The following NSD1 variants were observed in gnomAD, a reference collection of about 807,000 sequenced individuals.
NSD1 encodes the protein histone-lysine N-methyltransferase, H3 lysine-36 specific.
Under a neutral mutation model 242.7 loss-of-function variants are expected in NSD1, and 26 were observed. The observed-to-expected ratio is 0.11, with a 90% CI of 0.08 to 0.15. The LOEUF is 0.15. Among genes scored for constraint, NSD1 ranks in the 10% least tolerant of loss-of-function variants. The probability of loss-of-function intolerance (pLI) is 1.00; values close to 1 mark genes in which losing one functional copy is unlikely to be tolerated. For missense variants in NSD1, 2,495 were observed against 3,272.8 expected (o/e 0.76, Z 5.80); for synonymous variants, 1,106 against 1,178.1 (o/e 0.94, Z 1.25).
chr5:177,160,376 C>A (rs1758646455), intron 2 of NSD1, among the ~76,000 whole-genome samples: 1 of 151,938 alleles, frequency 6.6e-6, no homozygotes, highest in Non-Finnish European at 1.5e-5. Context: ...TCTAGGCTCG[C>A]TGCAGCCTCC....
chr5:177,152,103 G>A (rs952766692), intron 2 of NSD1, among the ~76,000 whole-genome samples: 1 of 151,924 alleles, frequency 6.6e-6, no homozygotes, highest in Admixed American at 6.6e-5. Context: ...CTCATGATCC[G>A]CCTGCCTTGG....
chr5:177,248,113 A>C (rs1581433306), intron 10 of NSD1, 68 bp from the exon 11 acceptor site: 2 of 1,598,910 alleles, frequency 1.3e-6, no homozygotes, highest in Admixed American at 1.7e-5. Flanking sequence ...ATAGCAGCCC[A>C]GAGGGAGGGG....
Position 177,299,751 on chromosome 5 carries a change from C to T in NSD1, c.*4292C>T. On this transcript the variant is annotated 3_prime_UTR_variant, in exon 23 of 23. Coordinates refer to ENST00000439151, the MANE Select transcript of NSD1 (RefSeq NM_022455.5). ...ATTGTGGGGCTTCAGGTGTAAGGTC[C>T]TGGAAGTTCAGCAAAGTTTCGTGGA... is the stretch of plus-strand genomic sequence containing the variant. 4.3e-6 allele frequency: 1 copy of T among 233,256 alleles called. No individual in the cohort carries two copies. 14.4% of individuals were successfully genotyped at this position (233,256 alleles called of 1,614,324 possible).
At chr5:177,205,269 C>G (rs1762788875) in intron 4 of NSD1, among the ~76,000 whole-genome samples, 1 of 152,150 alleles carries the variant, frequency 6.6e-6, no homozygotes, top group Non-Finnish European at 1.5e-5. Context: ...CTCCTGATGT[C>G]AGGTGATCAA....
chr5:177,186,077 A>G (rs1761195171), intron 2 of NSD1, among the ~76,000 whole-genome samples: 1 of 114,796 alleles, frequency 8.7e-6, no homozygotes, highest in Non-Finnish European at 1.7e-5. Flanking sequence ...TATGTTATAT[A>G]TAATATATTA....
intron 5 of NSD1, among the ~76,000 whole-genome samples, chr5:177,231,295 G>A (rs760085823): frequency 2.6e-5 from 4 of 151,824 alleles, no homozygotes; most frequent in Non-Finnish European, 5.9e-5. Context: ...ATGTTCCCCA[G>A]GCTTGTGTTG....
intron 2 of NSD1, among the ~76,000 whole-genome samples, chr5:177,182,787 G>A (rs1463090802): frequency 6.6e-6 from 1 of 152,230 alleles, no homozygotes; most frequent in South Asian, 2.1e-4. Flanking sequence ...ACAGGCGCCT[G>A]CCATTACGCC....
chr5:177,226,315 G>A (rs1038476722), intron 5 of NSD1, among the ~76,000 whole-genome samples: 4 of 152,104 alleles, frequency 2.6e-5, no homozygotes, highest in East Asian at 3.8e-4. Flanking sequence ...GATTACATGC[G>A]TGAGCCACCG....
In NSD1 at chr5:177,210,927, A is replaced by G. The variant is rs1372764641; in HGVS notation, c.2528A>G (p.His843Arg). Residue 843 changes from histidine to arginine, a missense_variant, in exon 5 of 23, where the codon CAT becomes CGT. His to Arg is a conservative substitution (Grantham distance 29). Transcript: ENST00000439151. ...VDGLKLLNNM[H>R]EKTRDSSDIE... The stretch of plus-strand genomic sequence containing the variant: ...GGTCTAAAACTACTGAACAATATGC[A>G]TGAGAAAACCAGGGATTCAAGTGAC... The G allele has an allele frequency of 2.5e-6, 4 of 1,614,106 alleles. No individual in the cohort carries two copies. The highest frequency in any genetic ancestry group is 3.4e-6 in the Non-Finnish European group (4 of 1,180,052).
Position 177,267,880 on chromosome 5 carries a change from T to C in NSD1, c.5303+162T>C, listed in dbSNP as rs538386911. Among the ~76,000 whole-genome samples, 11 of 152,102 alleles carry C rather than the reference T, an allele frequency of 7.2e-5. No individual in the cohort carries two copies. The East Asian group carries it at 1.4e-3, about 19-fold the overall frequency. On this transcript the variant is annotated intron_variant, in intron 15 of 22. Coordinates refer to ENST00000439151, the MANE Select transcript of NSD1 (RefSeq NM_022455.5). ...CCTTATAGGAAGAGAAACCTAACTT[T>C]ATGATTTACAATTATAGGAATAATA...
chr5:177,205,856 CTA>C (rs898089366), intron 4 of NSD1, among the ~76,000 whole-genome samples: 23 of 152,176 alleles, frequency 1.5e-4, no homozygotes, highest in Non-Finnish European at 2.5e-4. Context: ...GGGGGTCTCT[CTA>C]TGTTGTTCAT....
chr5:177,243,198 C>CT lies in NSD1; in HGVS notation c.4303-990dup, dbSNP rs370211982. Among the ~76,000 whole-genome samples the CT allele has an allele frequency of 3.3e-5, 5 of 151,844 alleles. No individual in the cohort carries two copies. The South Asian group carries it at 8.3e-4, about 25-fold the overall frequency. Reference sequence around the variant, plus strand: ...GTTATTTTTCTTTCTTTCTTTCTTTCTTTTTTTGAGACTTGCTCTGTCTCC... The same window carrying CT: ...GTTATTTTTCTTTCTTTCTTTCTTTCTTTTTTTTGAGACTTGCTCTGTCTCC... On this transcript the variant is annotated intron_variant, in intron 8 of 22. Transcript: ENST00000439151.
rs1388344123 is a variant in NSD1 at position 177,133,970 on chromosome 5, G to T, written c.-18+18G>T. 4.5e-5 allele frequency: 7 copies of T among 157,154 alleles called. No homozygotes were observed. The highest frequency in any genetic ancestry group is 8.3e-5 in the Non-Finnish European group (6 of 72,046). The allele number at this position is 157,154 out of a possible 1,614,324, so 9.7% of individuals were successfully genotyped here. On this transcript the variant is annotated intron_variant, in intron 1 of 22. Coordinates refer to ENST00000439151, the MANE Select transcript of NSD1 (RefSeq NM_022455.5). The surrounding 1 kb of genome is among the most constrained non-coding windows in gnomAD (Gnocchi z 6.2). ...GGGGCACGGTAACTAGTGCGCTGGG[G>T]TGGGCGGCGGGCAGGCGCGAGGAGA...
At position 177,163,623 on chromosome 5, in the gene NSD1, A is replaced by G. The variant is rs569483463; in HGVS notation, c.927+27593A>G. 7.7e-4 allele frequency among the ~76,000 whole-genome samples: 118 copies of G among 152,296 alleles called. 3 individuals carry two copies. The highest frequency in any genetic ancestry group is 2.7e-3 in the African/African-American group (114 of 41,558). The stretch of plus-strand genomic sequence containing the variant: ...ATTAATTCCTAGTTCAGTACATGGC[A>G]CATGGTAGGTACCTGCTGCTATCCA... On this transcript the variant is annotated intron_variant, in intron 2 of 22. Transcript: ENST00000439151.
At chr5:177,146,211 T>A (rs1757230131) in intron 2 of NSD1, among the ~76,000 whole-genome samples, 1 of 149,572 alleles carries the variant, frequency 6.7e-6, no homozygotes, top group African/African-American at 2.5e-5. Flanking sequence ...AATCGTTTTT[T>A]TTTTTTTTTT....
intron 20 of NSD1, among the ~76,000 whole-genome samples, chr5:177,286,772 C>T (rs1333429493): frequency 1.3e-5 from 2 of 152,238 alleles, no homozygotes; most frequent in Non-Finnish European, 2.9e-5. Flanking sequence ...TTAGAACCTG[C>T]AGTTCATGTC....
chr5:177,265,691 A>G, intron 14 of NSD1: 1 of 1,609,658 alleles, frequency 6.2e-7, no homozygotes. Flanking sequence ...GGTGCCGAAG[A>G]TCTCCTCGCC....
intron 2 of NSD1, among the ~76,000 whole-genome samples, chr5:177,137,581 T>C (rs1020508893): frequency 2.0e-5 from 3 of 152,196 alleles, no homozygotes; most frequent in African/African-American, 7.2e-5. Flanking sequence ...TTAGGGTGGG[T>C]AGGCTGTTTT....
rs1379515325 is a variant in NSD1, at chr5:177,155,726, G to T, written c.927+19696G>T. ...TTTGAGACCAGAGTCTCACTCTGTC[G>T]CCCAGGCTAGAGTGCAATGACACAA... On this transcript the variant is annotated intron_variant, in intron 2 of 22. Transcript: ENST00000439151. Among the ~76,000 whole-genome samples, 6 of 151,340 alleles carry T rather than the reference G, an allele frequency of 4.0e-5. No homozygotes were observed. The East Asian group carries it at 9.7e-4, about 24-fold the overall frequency.
Sources: gnomAD v4.1 joint callset for allele counts (sites outside exome capture counted in the v4.1 genomes callset) on GRCh38, gnomAD v4.1.1 for gene constraint, Gnocchi (gnomAD v3.1) non-coding constraint, MANE v1.5 for transcripts, NCBI Gene and HGNC (gene_info 2026-07-23, HGNC 2026-07-21) for gene names.